Variants in PIEZO2 observed in about 807,000 individuals in gnomAD.
PIEZO2 encodes piezo type mechanosensitive ion channel component 2.
In PIEZO2, 172 loss-of-function variants were observed where a neutral mutation model predicts 337.3. That is an observed-to-expected ratio of 0.51 (90% CI 0.45 to 0.58). The LOEUF (loss-of-function observed/expected upper bound fraction) is 0.58, where lower values mean the gene tolerates loss of function less well. PIEZO2 is among the 20% of genes least tolerant of loss of function. The pLI, the probability that PIEZO2 is intolerant of heterozygous loss-of-function variation, is 0.00. For synonymous variants in PIEZO2, 1,251 were observed against 1,228.5 expected, an observed-to-expected ratio of 1.02 and a Z score of -0.38; for missense variants, 3,028 against 3,391.3, an observed-to-expected ratio of 0.89 and a Z score of 2.66.
intron 1 of PIEZO2, among the ~76,000 whole-genome samples, chr18:11,081,518 G>C (rs2038741003): frequency 6.6e-6 from 1 of 152,082 alleles, no homozygotes; most frequent in Admixed American, 6.6e-5. Context: ...AGTTCCATCA[G>C]AAGTGCTTAA....
intron 2 of PIEZO2, among the ~76,000 whole-genome samples, chr18:11,011,544 G>A (rs1199558419): frequency 6.6e-6 from 1 of 152,116 alleles, no homozygotes; most frequent in Non-Finnish European, 1.5e-5. Context: ...ATTTTAAAAT[G>A]CTGGATAATA....
intron 2 of PIEZO2, among the ~76,000 whole-genome samples, chr18:11,008,583 CCTGGG>C: frequency 6.6e-6 from 1 of 152,212 alleles, no homozygotes; most frequent in South Asian, 2.1e-4. Context: ...GGCTTCTGAC[CCTGGG>C]TAACTGATGT....
intron 4 of PIEZO2, among the ~76,000 whole-genome samples, chr18:10,876,107 G>A (rs142476913): frequency 3.0e-4 from 46 of 152,304 alleles, no homozygotes; most frequent in African/African-American, 1.0e-3. Flanking sequence ...TATGTCATTT[G>A]GAGACCATCT....
In PIEZO2 at chr18:11,035,929, C is replaced by T. The variant is rs148068007; in HGVS notation, c.160+30198G>A. Among the ~76,000 whole-genome samples the T allele has an allele frequency of 6.6e-6, 1 of 152,316 alleles. No individual in the cohort carries two copies. The highest frequency in any genetic ancestry group is 2.4e-5 in the African/African-American group (1 of 41,574). On this transcript the variant is annotated intron_variant, in intron 2 of 55. Transcript: ENST00000674853. This position sits in a 1 kb window ranked among gnomAD's most constrained non-coding sequence, Gnocchi z 4.3. ...AAATCTCTGCCACTTCCTATGTTTG[C>T]TTGTTAGCAAGAAGTCCACACCTGG...
intron 3 of PIEZO2, among the ~76,000 whole-genome samples, chr18:10,933,802 G>A (rs2032223627): frequency 6.6e-6 from 1 of 152,150 alleles, no homozygotes; most frequent in Non-Finnish European, 1.5e-5. Flanking sequence ...TCATGCAGGT[G>A]GATTCTCCCA....
chr18:10,696,535 G>C lies in PIEZO2; in HGVS notation c.6832C>G (p.Leu2278Val). ...KAKAFTIKKT[L>V]EIYVPIKQFF... The stretch of plus-strand genomic sequence containing the variant: ...TGTTTGATGGGCACATAGATCTCCA[G>C]CGTCCTGCAAAATGGAGACCCCCAC... The change falls in exon 46 of 56, where the codon CTG becomes GTG. Residue 2278 changes from leucine to valine, a missense_variant. This residue lies in a region of PIEZO2 where 1,925 missense variants were observed against 2,051.9 expected (regional missense o/e 0.94). Transcript: ENST00000674853. The C allele has an allele frequency of 6.2e-7, 1 of 1,613,292 alleles. No homozygotes were observed. Among genetic ancestry groups the C allele is most frequent in the South Asian group, 1.1e-5 (1 of 91,020 alleles).
At chr18:11,042,707 G>T (rs1009858908) in intron 2 of PIEZO2, among the ~76,000 whole-genome samples, 3 of 152,336 alleles carry the variant, frequency 2.0e-5, no homozygotes, top group Admixed American at 6.5e-5. Context: ...ATTGTCACCA[G>T]ATGGGCATGC....
At chr18:11,063,446 C>A (rs1001581766) in intron 2 of PIEZO2, among the ~76,000 whole-genome samples, 3 of 151,230 alleles carry the variant, frequency 2.0e-5, no homozygotes, top group Non-Finnish European at 4.4e-5. Flanking sequence ...AAAAAAAAGA[C>A]TGCCCCAAGA....
chr18:10,867,256 A>G (rs16975512), intron 5 of PIEZO2, among the ~76,000 whole-genome samples: 6,867 of 152,270 alleles, frequency 0.045, 511 homozygotes, highest in African/African-American at 0.15. Flanking sequence ...AAGCCTAACT[A>G]GAAGACAACA....
Position 10,982,452 on chromosome 18 carries a change from T to G in PIEZO2, c.161-2792A>C, listed in dbSNP as rs183250394. On this transcript the variant is annotated intron_variant, in intron 2 of 55. Transcript: ENST00000674853. The surrounding 1 kb of genome is among the most constrained non-coding windows in gnomAD (Gnocchi z 4.1). The stretch of plus-strand genomic sequence containing the variant: ...GCATGAATGAGGTGACTCAATATGA[T>G]AAAAATGTCAATTTCCCCAAAATTT... Among the ~76,000 whole-genome samples, 2 of 152,274 alleles carry G rather than the reference T, an allele frequency of 1.3e-5. No homozygotes were observed. The highest frequency in any genetic ancestry group is 3.9e-4 in the East Asian group (2 of 5,178).
At chr18:10,800,612 C>A in intron 10 of PIEZO2, 137 bp from the exon 11 acceptor site, 1 of 1,042,108 alleles carries the variant, frequency 9.6e-7, no homozygotes, top group Non-Finnish European at 1.3e-6. Context: ...AGCCAATTGC[C>A]CAAATATTTT....
intron 3 of PIEZO2, among the ~76,000 whole-genome samples, chr18:10,964,113 G>T (rs2033901319): frequency 6.6e-6 from 1 of 151,874 alleles, no homozygotes; most frequent in African/African-American, 2.4e-5. Flanking sequence ...ACAGCCATTT[G>T]GGGAAAAAAA....
chr18:10,695,301 G>A (rs889052391), intron 47 of PIEZO2, among the ~76,000 whole-genome samples: 1 of 152,178 alleles, frequency 6.6e-6, no homozygotes, highest in Non-Finnish European at 1.5e-5. Context: ...GTTGGAGGCT[G>A]GGGAGAAGAA....
chr18:11,113,673 A>T lies in PIEZO2; in HGVS notation c.64+34852T>A, dbSNP rs113230316. The stretch of plus-strand genomic sequence containing the variant: ...TTCAGATGAAGATTCTCCTTACCTG[A>T]GTCTGAATTCATTTTTTATTTGACA... On this transcript the variant is annotated intron_variant, in intron 1 of 55. Transcript: ENST00000674853. Among the ~76,000 whole-genome samples, 986 of 152,274 alleles carry T rather than the reference A, an allele frequency of 6.5e-3. 3 individuals carry two copies. Among genetic ancestry groups the T allele is most frequent in the Middle Eastern group, 0.051 (15 of 294 alleles).
Position 10,767,592 on chromosome 18 carries a change from C to A in PIEZO2, c.2946+2556G>T, listed in dbSNP as rs1340984565. Reference sequence around the variant, plus strand: ...GGAGCCCGATGCGTGAACCCTGGAGCTTGGGCACTGGTACCCATGGGGCCA... The same window carrying A: ...GGAGCCCGATGCGTGAACCCTGGAGATTGGGCACTGGTACCCATGGGGCCA... On this transcript the variant is annotated intron_variant, in intron 21 of 55. Coordinates refer to ENST00000674853, the MANE Select transcript of PIEZO2 (RefSeq NM_001378183.1). The surrounding 1 kb of genome is among the most constrained non-coding windows in gnomAD (Gnocchi z 4.2). Among the ~76,000 whole-genome samples, 1 of 152,176 alleles carries A rather than the reference C, an allele frequency of 6.6e-6. No homozygotes were observed. Among genetic ancestry groups the A allele is most frequent in the Non-Finnish European group, 1.5e-5 (1 of 68,024 alleles).
At chr18:10,718,865 C>T (rs28552490) in intron 36 of PIEZO2, among the ~76,000 whole-genome samples, 6,860 of 151,728 alleles carry the variant, frequency 0.045, 517 homozygotes, top group African/African-American at 0.16. Context: ...TGTGGTGGTG[C>T]GCACCTGTAG....
rs2042339071 is a variant in PIEZO2, at chr18:10,878,931, G to A, written c.330-7516C>T. Reference sequence around the variant, plus strand: ...GTTTTCACAATGAGTGTCAGGTGTGGTTAGGACTTTCAGGTGCAGAGGTGA... The same window carrying A: ...GTTTTCACAATGAGTGTCAGGTGTGATTAGGACTTTCAGGTGCAGAGGTGA... On this transcript the variant is annotated intron_variant, in intron 4 of 55. Transcript: ENST00000674853. This position sits in a 1 kb window ranked among gnomAD's most constrained non-coding sequence, Gnocchi z 4.3. Among the ~76,000 whole-genome samples, 1 of 152,224 alleles carries A rather than the reference G, an allele frequency of 6.6e-6. No homozygotes were observed. The highest frequency in any genetic ancestry group is 2.4e-5 in the African/African-American group (1 of 41,456).
chr18:10,679,009 T>C (rs2034145284), intron 52 of PIEZO2, among the ~76,000 whole-genome samples: 1 of 150,976 alleles, frequency 6.6e-6, no homozygotes, highest in Non-Finnish European at 1.5e-5. Context: ...CTCAGCTCAC[T>C]GCAACCTCTG....
intron 7 of PIEZO2, among the ~76,000 whole-genome samples, chr18:10,835,121 C>T (rs1273839791): frequency 6.6e-6 from 1 of 152,164 alleles, no homozygotes; most frequent in Non-Finnish European, 1.5e-5. Flanking sequence ...TTGCCAGGCA[C>T]CGACTCTGTT....
Sources: allele counts gnomAD v4.1 joint callset (sites outside exome capture counted in the v4.1 genomes callset), GRCh38; gene constraint gnomAD v4.1.1; regional missense constraint gnomAD v4.1.1; non-coding constraint Gnocchi (gnomAD v3.1); transcripts MANE v1.5; gene names NCBI Gene and HGNC (gene_info 2026-07-23, HGNC 2026-07-21).